The following THOC5 variants were observed in gnomAD, a reference collection of about 807,000 sequenced individuals.
THOC5 encodes Fms-interacting protein.
THOC5 carries 43 observed loss-of-function variants against 92.9 expected under a neutral mutation model. That is an observed-to-expected ratio of 0.46 (90% CI 0.36 to 0.60). The LOEUF is 0.60. Ranked by LOEUF, THOC5 falls within the 20% of genes least tolerant of loss-of-function variation. THOC5 has a pLI of 0.00. For synonymous variants in THOC5, 296 were observed against 320.1 expected (o/e 0.92, Z 0.80); for missense variants, 659 against 849.4 (o/e 0.78, Z 2.79).
chr22:29,525,931 T>C lies in THOC5; in HGVS notation c.1082A>G (p.His361Arg). The C allele has an allele frequency of 6.2e-7, 1 of 1,611,414 alleles. No homozygotes were observed. The highest frequency in any genetic ancestry group is 8.5e-7 in the Non-Finnish European group (1 of 1,178,618). ...DLKCKDDSVL[H>R]LTFYYLMNLN... ...GTTCATGAGGTAGTAGAAAGTCAGG[T>C]GAAGCACACTGTCATCTGGAGGGGA... is the stretch of plus-strand genomic sequence containing the variant. Residue 361 changes from histidine (H) to arginine (R), a missense_variant, in exon 12 of 20, where the codon CAC (histidine) becomes CGC (arginine). Coordinates refer to ENST00000490103, the MANE Select transcript of THOC5 (RefSeq NM_003678.5).
chr22:29,553,109 T>A (rs200205210), intron 1 of THOC5, among the ~76,000 whole-genome samples: 368 of 152,276 alleles, frequency 2.4e-3, no homozygotes, highest in African/African-American at 8.6e-3. Context: ...TGCGGAAGGC[T>A]GCAGGGTCCT....
At chr22:29,517,818 G>A (rs1007132580) in intron 15 of THOC5, among the ~76,000 whole-genome samples, 1 of 152,192 alleles carries the variant, frequency 6.6e-6, no homozygotes, top group Non-Finnish European at 1.5e-5. Context: ...ATTTAAATAA[G>A]CAAATATGCC....
At chr22:29,547,032 T>C (rs932998500) in intron 2 of THOC5, among the ~76,000 whole-genome samples, 4 of 151,718 alleles carry the variant, frequency 2.6e-5, no homozygotes, top group Admixed American at 6.6e-5. Context: ...TTAGTAGAGA[T>C]AGGGTTTTGC....
intron 2 of THOC5, among the ~76,000 whole-genome samples, chr22:29,548,346 A>G (rs1475400356): frequency 6.6e-6 from 1 of 152,148 alleles, no homozygotes; most frequent in South Asian, 2.1e-4. Flanking sequence ...ACTTAAGCTC[A>G]GGAGTTTGAG....
chr22:29,527,890 T>C (rs572239322), intron 11 of THOC5, among the ~76,000 whole-genome samples, 188 bp downstream of exon 11: 1 of 152,360 alleles, frequency 6.6e-6, no homozygotes, highest in African/African-American at 2.4e-5. Context: ...TTTGTTGCTA[T>C]GTTGTTACGG....
chr22:29,527,576 C>T (rs1164801755), intron 11 of THOC5, among the ~76,000 whole-genome samples: 1 of 152,164 alleles, frequency 6.6e-6, no homozygotes, highest in Non-Finnish European at 1.5e-5. Context: ...CATAAGAAGT[C>T]TGTAATAATG....
At chr22:29,520,790 C>T (rs1266819326) in intron 13 of THOC5, among the ~76,000 whole-genome samples, 1 of 152,228 alleles carries the variant, frequency 6.6e-6, no homozygotes, top group Non-Finnish European at 1.5e-5. Context: ...GCCACCACAC[C>T]CAGCATGTTT....
chr22:29,548,244 A>T (rs1223726897), intron 2 of THOC5, among the ~76,000 whole-genome samples: 1 of 152,154 alleles, frequency 6.6e-6, no homozygotes, highest in African/African-American at 2.4e-5. Context: ...AAATGGCTGC[A>T]TGACAGTCTC....
Position 29,549,037 on chromosome 22 carries a change from C to G in THOC5, c.96+15G>C, listed in dbSNP as rs775791782. 1 of 1,613,328 alleles carries G rather than the reference C, an allele frequency of 6.2e-7. No individual in the cohort carries two copies. Among genetic ancestry groups the G allele is most frequent in the South Asian group, 1.1e-5 (1 of 90,892 alleles). ...TGTAATTTCTCAGCAGCATGGCAAC[C>G]CTGACTGATCTCACCTGCTCGGTGT... On this transcript the variant is annotated intron_variant, in intron 2 of 19. Coordinates refer to ENST00000490103, the MANE Select transcript of THOC5 (RefSeq NM_003678.5).
At position 29,521,017 on chromosome 22, in the gene THOC5, A is replaced by C; in HGVS notation, c.1258T>G (p.Tyr420Asp). ...GKKTPNPANQ[Y>D]QFDKVGILTL... The stretch of plus-strand genomic sequence containing the variant: ...ACTCACCCAACTTTATCAAACTGAT[A>C]CTGATTGGCTGGATTCGGAGTTTTC... The change falls in exon 13 of 20, where the codon TAT (tyrosine) becomes GAT (aspartate). Residue 420 changes from tyrosine to aspartate, a missense_variant. By Grantham distance (160) the Tyr-to-Asp change is radical. Coordinates refer to ENST00000490103, the MANE Select transcript of THOC5 (RefSeq NM_003678.5). 1 of 1,614,116 alleles carries C rather than the reference A, an allele frequency of 6.2e-7. No homozygotes were observed. Among genetic ancestry groups the C allele is most frequent in the Non-Finnish European group, 8.5e-7 (1 of 1,179,942 alleles).
intron 17 of THOC5, among the ~76,000 whole-genome samples, chr22:29,513,356 CA>C (rs375469055): frequency 0.23 from 23,768 of 102,254 alleles, 2,033 homozygotes; most frequent in Middle Eastern, 0.28. Flanking sequence ...GACTCCGTCT[CA>C]AAAAAAAAAA....
At chr22:29,511,852 T>C (rs1273436636) in intron 18 of THOC5, among the ~76,000 whole-genome samples, 169 bp downstream of exon 18, 3 of 152,236 alleles carry the variant, frequency 2.0e-5, no homozygotes, top group Non-Finnish European at 4.4e-5. Flanking sequence ...GTCTGGGCTC[T>C]TTCCTCTAGT....
intron 8 of THOC5, chr22:29,531,579 C>A: frequency 8.2e-7 from 1 of 1,217,140 alleles, no homozygotes; most frequent in African/African-American, 1.5e-5. Flanking sequence ...GTTCTGCACC[C>A]AAGAGCTGTC....
intron 8 of THOC5, chr22:29,531,323 A>T (rs530430229): frequency 2.0e-6 from 2 of 985,426 alleles, no homozygotes; most frequent in East Asian, 2.3e-4. Flanking sequence ...AGAGTCTCCA[A>T]AATTTTCTCA....
At chr22:29,514,008 T>C (rs956218408) in intron 17 of THOC5, 2 of 151,676 alleles carry the variant, frequency 1.3e-5, no homozygotes, top group African/African-American at 4.8e-5. Context: ...TAGAGTGCAA[T>C]GGCCCAATCT....
intron 1 of THOC5, among the ~76,000 whole-genome samples, chr22:29,552,430 G>A (rs1356468453): frequency 1.3e-5 from 2 of 151,540 alleles, no homozygotes; most frequent in East Asian, 1.9e-4. Flanking sequence ...ACCTCTGCCC[G>A]GCTGCGACCC....
intron 17 of THOC5, among the ~76,000 whole-genome samples, chr22:29,515,682 T>TC (rs1304939823): frequency 7.1e-6 from 1 of 141,732 alleles, no homozygotes; most frequent in Non-Finnish European, 1.5e-5. Context: ...AAAAAAAAAA[T>TC]TAGCCAAGCA....
At chr22:29,543,036 T>A (rs1377550854) in intron 4 of THOC5, 80 bp from the exon 5 acceptor site, 2 of 1,018,556 alleles carry the variant, frequency 2.0e-6, no homozygotes, top group Non-Finnish European at 3.0e-6. Context: ...TAAGAGAAGG[T>A]GTAAAGGGAA....
Position 29,525,938 on chromosome 22 carries a change from C to A in THOC5, c.1075G>T (p.Val359Leu). 1 of 1,612,484 alleles carries A rather than the reference C, an allele frequency of 6.2e-7. No homozygotes were observed. The highest frequency in any genetic ancestry group is 8.5e-7 in the Non-Finnish European group (1 of 1,179,246). The change falls in exon 12 of 20, where the codon GTG (valine) becomes TTG (leucine). Residue 359 changes from valine (V) to leucine (L), a missense_variant. Physicochemically the swap from Val to Leu is conservative, Grantham distance 32. Transcript: ENST00000490103. ...AGGTAGTAGAAAGTCAGGTGAAGCACACTGTCATCTGGAGGGGAGGAAGAT... is the reference window on the plus strand; with the variant it reads ...AGGTAGTAGAAAGTCAGGTGAAGCAAACTGTCATCTGGAGGGGAGGAAGAT... ...MLDLKCKDDS[V>L]LHLTFYYLMN...
Sources: allele counts gnomAD v4.1 joint callset (sites outside exome capture counted in the v4.1 genomes callset), GRCh38; gene constraint gnomAD v4.1.1; transcripts MANE v1.5; gene names NCBI Gene and HGNC (gene_info 2026-07-23, HGNC 2026-07-21).